Variants in UGP2 observed in about 807,000 individuals in gnomAD.
UGP2 encodes UDP-glucose pyrophosphorylase 2.
UGP2 carries 40 observed loss-of-function variants against 49.0 expected under a neutral mutation model. The observed-to-expected ratio is 0.82, with a 90% CI of 0.63 to 1.06. The LOEUF (loss-of-function observed/expected upper bound fraction) is 1.06, where lower values mean the gene tolerates loss of function less well. Among genes scored for constraint, UGP2 ranks in the 50% least tolerant of loss-of-function variants. The probability of loss-of-function intolerance (pLI) is 0.00; values close to 1 mark genes in which losing one functional copy is unlikely to be tolerated. For synonymous variants in UGP2, 225 were observed against 213.0 expected, an observed-to-expected ratio of 1.06 and a Z score of -0.49; for missense variants, 460 against 603.5, an observed-to-expected ratio of 0.76 and a Z score of 2.49.
At chr2:63,886,635 C>T in intron 7 of UGP2, 97 bp downstream of exon 7, 2 of 1,345,728 alleles carry the variant, frequency 1.5e-6, no homozygotes, top group South Asian at 2.7e-5. Context: ...CCCATCTATT[C>T]CATTGGTCAC....
intron 9 of UGP2, among the ~76,000 whole-genome samples, chr2:63,890,826 C>G (rs1672084879): frequency 6.6e-6 from 1 of 151,576 alleles, no homozygotes; most frequent in Non-Finnish European, 1.5e-5. Context: ...TGCTGGTGGC[C>G]TTGCAAGTAG....
In UGP2 at chr2:63,887,327, A is replaced by C. The variant is rs1671754005; in HGVS notation, c.1072-75A>C. 2.6e-6 allele frequency: 4 copies of C among 1,550,074 alleles called. No individual in the cohort carries two copies. In the East Asian group the frequency reaches 9.0e-5, roughly 35 times the overall value. ...TCTCTGAAATCACTTCCCAAATATT[A>C]ACTAACCTACATGGAACTAAGTTGT... On this transcript the variant is annotated intron_variant, in intron 7 of 9. Coordinates refer to ENST00000337130, the MANE Select transcript of UGP2 (RefSeq NM_006759.4).
At chr2:63,873,971 T>C (rs919419544) in intron 3 of UGP2, among the ~76,000 whole-genome samples, 1 of 152,216 alleles carries the variant, frequency 6.6e-6, no homozygotes, top group Non-Finnish European at 1.5e-5. Flanking sequence ...CTATTCATCA[T>C]GCCTCTAGTC....
intron 5 of UGP2, among the ~76,000 whole-genome samples, chr2:63,884,490 G>C (rs541360209): frequency 6.6e-6 from 1 of 152,216 alleles, no homozygotes; most frequent in South Asian, 2.1e-4. Context: ...AAATTCTGGA[G>C]GAAATCTTTG....
At chr2:63,844,243 G>A (rs1558929139) in intron 1 of UGP2, among the ~76,000 whole-genome samples, 1 of 152,104 alleles carries the variant, frequency 6.6e-6, no homozygotes, top group East Asian at 1.9e-4. Flanking sequence ...AAACCTAATT[G>A]GCAAATGACA....
At chr2:63,867,218 T>C (rs1245684730) in intron 3 of UGP2, among the ~76,000 whole-genome samples, 1 of 152,230 alleles carries the variant, frequency 6.6e-6, no homozygotes, top group Non-Finnish European at 1.5e-5. Context: ...CACCTACATA[T>C]ACATTTTGAA....
At chr2:63,883,311 A>T (rs1001347584) in intron 4 of UGP2, 3 of 152,212 alleles carry the variant, frequency 2.0e-5, no homozygotes, top group Non-Finnish European at 4.4e-5. Flanking sequence ...CAATGAGGAA[A>T]CCAAAGCACA....
At chr2:63,855,203 A>C (rs968553231) in intron 1 of UGP2, among the ~76,000 whole-genome samples, 1 of 152,234 alleles carries the variant, frequency 6.6e-6, no homozygotes, top group African/African-American at 2.4e-5. Flanking sequence ...ATTCAAATAT[A>C]AGTGAAAGAA....
intron 1 of UGP2, among the ~76,000 whole-genome samples, chr2:63,847,062 C>G (rs1215940636): frequency 1.3e-5 from 2 of 152,126 alleles, no homozygotes; most frequent in South Asian, 4.1e-4. Flanking sequence ...TTCTTGCTAA[C>G]TCAGCCTTTC....
At chr2:63,871,341 A>G (rs954775429) in intron 3 of UGP2, among the ~76,000 whole-genome samples, 3 of 151,990 alleles carry the variant, frequency 2.0e-5, no homozygotes, top group African/African-American at 4.8e-5. Flanking sequence ...GCTGGAGTGC[A>G]GTGGTGCAAT....
chr2:63,869,595 G>T (rs1670408021), intron 3 of UGP2, among the ~76,000 whole-genome samples: 1 of 152,300 alleles, frequency 6.6e-6, no homozygotes, highest in East Asian at 1.9e-4. Context: ...GGCTGAAAAT[G>T]AGTGACTTTT....
chr2:63,880,584 A>C (rs1671236643), intron 3 of UGP2, among the ~76,000 whole-genome samples: 1 of 152,142 alleles, frequency 6.6e-6, no homozygotes, highest in Non-Finnish European at 1.5e-5. Flanking sequence ...GTGTGACATA[A>C]ATTGGAAGTT....
chr2:63,842,431 A>C, intron 1 of UGP2: 1 of 1,560,440 alleles, frequency 6.4e-7, no homozygotes, highest in Non-Finnish European at 8.6e-7. Flanking sequence ...TGCCTCCCTG[A>C]AATCAGGTTA....
chr2:63,879,795 G>A (rs1230959675), intron 3 of UGP2, among the ~76,000 whole-genome samples: 1 of 152,140 alleles, frequency 6.6e-6, no homozygotes, highest in Non-Finnish European at 1.5e-5. Context: ...AGGTAAAATT[G>A]GAAGACAGGC....
intron 1 of UGP2, chr2:63,855,492 T>G: frequency 2.4e-6 from 1 of 421,600 alleles, no homozygotes. Flanking sequence ...TCTGCCAAAG[T>G]GTTTGGGTCT....
Position 63,874,317 on chromosome 2 carries a change from G to T in UGP2, c.256-8149G>T, listed in dbSNP as rs1406923309. 3.3e-5 allele frequency among the ~76,000 whole-genome samples: 5 copies of T among 152,174 alleles called. No individual in the cohort carries two copies. The East Asian group carries it at 9.6e-4, about 29-fold the overall frequency. ...CTGCCACTTGAGAGATGGAGGGTGG[G>T]TTGGAAAGAGGTAAAGGATCATAGA... On this transcript the variant is annotated intron_variant, in intron 3 of 9. Coordinates refer to ENST00000337130, the MANE Select transcript of UGP2 (RefSeq NM_006759.4).
At chr2:63,880,267 G>GGGCTCAGGTGATCCTCCCACCTC (rs1671213384) in intron 3 of UGP2, among the ~76,000 whole-genome samples, 1 of 148,934 alleles carries the variant, frequency 6.7e-6, no homozygotes, top group Non-Finnish European at 1.5e-5. Context: ...TTGACCACCT[G>GGGCTCAGGTGATCCTCCCACCTC]GGCTCAGGTG....
At chr2:63,841,165 GC>G (rs1187236902), upstream of UGP2, 1 of 152,118 alleles carries the variant, frequency 6.6e-6, no homozygotes, top group African/African-American at 2.4e-5. Flanking sequence ...GTGACTTTCA[GC>G]CTGCGAGCCT....
chr2:63,881,009 CAT>C (rs1169687928), intron 3 of UGP2, among the ~76,000 whole-genome samples: 1 of 152,170 alleles, frequency 6.6e-6, no homozygotes, highest in Non-Finnish European at 1.5e-5. Context: ...AATCCTACCA[CAT>C]GAGGAAAGAA....
Sources: gnomAD v4.1 joint callset for allele counts (sites outside exome capture counted in the v4.1 genomes callset) on GRCh38, gnomAD v4.1.1 for gene constraint, MANE v1.5 for transcripts, NCBI Gene and HGNC (gene_info 2026-07-23, HGNC 2026-07-21) for gene names.